Variants in NFIB observed in about 807,000 individuals in gnomAD.
NFIB encodes the protein nuclear factor I B.
In NFIB, 11 loss-of-function variants were observed where a neutral mutation model predicts 61.5. The ratio of observed to expected loss-of-function variants is 0.18; its 90% CI spans 0.11 to 0.30. The LOEUF is 0.30. Ranked by LOEUF, NFIB falls within the 10% of genes least tolerant of loss-of-function variation. The pLI is 1.00. For missense variants in NFIB, 471 were observed against 608.9 expected (o/e 0.77, Z 2.38); for synonymous variants, 260 against 216.5 (o/e 1.20, Z -1.76).
chr9:14,530,961 A>G, the NFIB span, among the ~76,000 whole-genome samples: 1 of 152,200 alleles, frequency 6.6e-6, no homozygotes, highest in South Asian at 2.1e-4. Flanking sequence ...AGATGAATGA[A>G]CCCAATGACG....
rs754674421 is a variant in NFIB at position 14,085,945 on chromosome 9, C to T, written c.*2364G>A. 2.9e-4 allele frequency: 66 copies of T among 229,036 alleles called. No homozygotes were observed. In the Middle Eastern group the frequency reaches 6.6e-3, roughly 23 times the overall value. The allele number at this position is 229,036 out of a possible 1,614,324, so 14.2% of individuals were successfully genotyped here. On this transcript the variant is annotated 3_prime_UTR_variant, in exon 11 of 11. Transcript: ENST00000380953. ...ATATTTTTGCCAAATATGAGACAGG[C>T]TCACTCTCCACTGTGGATCTGGAAC... is the stretch of plus-strand genomic sequence containing the variant.
Position 14,122,046 on chromosome 9 carries a change from T to C in NFIB, c.1061-1422A>G, listed in dbSNP as rs2039010499. Among the ~76,000 whole-genome samples the C allele has an allele frequency of 2.0e-5, 3 of 152,024 alleles. No homozygotes were observed. The South Asian group carries it at 6.2e-4, about 32-fold the overall frequency. On this transcript the variant is annotated intron_variant, in intron 7 of 10. Transcript: ENST00000380953. ...TTTTAATATTTCCCAATTCAAATAA[T>C]AGGAAATTATAAACGATAAATGTCT...
chr9:14,465,654 G>A, the NFIB span, among the ~76,000 whole-genome samples: 2 of 151,772 alleles, frequency 1.3e-5, no homozygotes, highest in African/African-American at 4.8e-5. Flanking sequence ...GTCATAGTGT[G>A]AATCACCACT....
chr9:14,519,919 A>G, the NFIB span, among the ~76,000 whole-genome samples: 1 of 151,426 alleles, frequency 6.6e-6, no homozygotes, highest in Non-Finnish European at 1.5e-5. Context: ...AACCTGAAAC[A>G]CTCTCCAAAA....
At chr9:14,184,766 A>G (rs1300380761) in intron 2 of NFIB, among the ~76,000 whole-genome samples, 1 of 152,198 alleles carries the variant, frequency 6.6e-6, no homozygotes, top group Non-Finnish European at 1.5e-5. Context: ...ACGCCTGTAA[A>G]TCCCAGCACT....
the NFIB span, among the ~76,000 whole-genome samples, chr9:14,437,672 G>A: frequency 2.6e-5 from 4 of 152,204 alleles, no homozygotes; most frequent in Non-Finnish European, 4.4e-5. Context: ...GAGCTGACAG[G>A]AGGGCCCGGG....
intron 10 of NFIB, among the ~76,000 whole-genome samples, chr9:14,109,166 C>T (rs1465924371): frequency 6.6e-6 from 1 of 151,952 alleles, no homozygotes; most frequent in Non-Finnish European, 1.5e-5. Context: ...AGTAAGTTGT[C>T]TCTTATTATT....
chr9:14,303,972 A>G (rs537749190), intron 2 of NFIB, among the ~76,000 whole-genome samples: 1 of 152,366 alleles, frequency 6.6e-6, no homozygotes, highest in South Asian at 2.1e-4. Flanking sequence ...TTGCTAATAT[A>G]AGGAAATAGC....
the NFIB span, among the ~76,000 whole-genome samples, chr9:14,520,222 T>C: frequency 6.6e-6 from 1 of 152,220 alleles, no homozygotes; most frequent in African/African-American, 2.4e-5. Context: ...AGGCCATTTC[T>C]TCATGTTTTC....
chr9:14,255,410 C>T (rs2132174734), intron 2 of NFIB, among the ~76,000 whole-genome samples: 1 of 152,272 alleles, frequency 6.6e-6, no homozygotes. Flanking sequence ...TAGCACATAT[C>T]AATGACTGTG....
At chr9:14,251,207 C>T (rs908618586) in intron 2 of NFIB, among the ~76,000 whole-genome samples, 2 of 152,176 alleles carry the variant, frequency 1.3e-5, no homozygotes, top group African/African-American at 4.8e-5. Flanking sequence ...AGAGGAACTC[C>T]AGGTGCAATC....
intron 2 of NFIB, among the ~76,000 whole-genome samples, chr9:14,291,509 T>C (rs955584710): frequency 6.6e-6 from 1 of 152,158 alleles, no homozygotes; most frequent in Non-Finnish European, 1.5e-5. Context: ...AAAAGATTCA[T>C]TGAAAGTTGC....
the NFIB span, among the ~76,000 whole-genome samples, chr9:14,409,844 T>C: frequency 6.6e-5 from 10 of 152,084 alleles, no homozygotes; most frequent in Non-Finnish European, 1.2e-4. Flanking sequence ...TATAAACAAT[T>C]AAAAGAACAG....
At chr9:14,494,623 C>T in the NFIB span, among the ~76,000 whole-genome samples, 1 of 152,202 alleles carries the variant, frequency 6.6e-6, no homozygotes, top group Non-Finnish European at 1.5e-5. Flanking sequence ...TCTCTTATGG[C>T]TATTGAGACT....
At chr9:14,213,286 A>G (rs1310867084) in intron 2 of NFIB, among the ~76,000 whole-genome samples, 1 of 151,538 alleles carries the variant, frequency 6.6e-6, no homozygotes, top group Non-Finnish European at 1.5e-5. Context: ...AAAGTTACCT[A>G]TCCACCAGCA....
intron 2 of NFIB, among the ~76,000 whole-genome samples, chr9:14,298,072 G>C (rs1163120041): frequency 6.6e-6 from 1 of 151,998 alleles, no homozygotes; most frequent in African/African-American, 2.4e-5. Context: ...ATTTACTAAT[G>C]GTTCTCTACT....
At chr9:14,366,259 G>A (rs528411277) in intron 1 of NFIB, among the ~76,000 whole-genome samples, 9 of 152,064 alleles carry the variant, frequency 5.9e-5, no homozygotes, top group South Asian at 2.1e-4. Context: ...GCCGAGGCCC[G>A]TGCAACCACT....
chr9:14,147,406 A>G (rs151095345), intron 5 of NFIB, among the ~76,000 whole-genome samples: 2 of 152,258 alleles, frequency 1.3e-5, no homozygotes, highest in African/African-American at 4.8e-5. Flanking sequence ...GAGTTGTTAA[A>G]TGTAAAGCTT....
intron 4 of NFIB, among the ~76,000 whole-genome samples, chr9:14,155,053 G>A (rs1023839208): frequency 1.3e-5 from 2 of 152,122 alleles, no homozygotes; most frequent in African/African-American, 2.4e-5. Flanking sequence ...AAAATGTCAG[G>A]TGAAAATATA....
Sources: gnomAD v4.1 joint callset for allele counts (sites outside exome capture counted in the v4.1 genomes callset) on GRCh38, gnomAD v4.1.1 for gene constraint, MANE v1.5 for transcripts, NCBI Gene and HGNC (gene_info 2026-07-23, HGNC 2026-07-21) for gene names.